INPP4B: variants seen among roughly 807,000 people sequenced by gnomAD.
The protein encoded by INPP4B is inositol polyphosphate 4-phosphatase type II.
In INPP4B, 55 loss-of-function variants were observed where a neutral mutation model predicts 122.5. That is an observed-to-expected ratio of 0.45 (90% CI 0.36 to 0.56). INPP4B has a LOEUF of 0.56. Ranked by LOEUF, INPP4B falls within the 20% of genes least tolerant of loss-of-function variation. The pLI, the probability that INPP4B is intolerant of heterozygous loss-of-function variation, is 0.00. For missense variants in INPP4B, 1,000 were observed against 1,097.7 expected (o/e 0.91, Z 1.26); for synonymous variants, 403 against 388.7 (o/e 1.04, Z -0.43).
chr4:142,671,431 C>T (rs1756981605), intron 2 of INPP4B, among the ~76,000 whole-genome samples: 1 of 152,074 alleles, frequency 6.6e-6, no homozygotes, highest in Non-Finnish European at 1.5e-5. Flanking sequence ...TGTGTATTTT[C>T]CTGCCTCCAA....
intron 15 of INPP4B, among the ~76,000 whole-genome samples, chr4:142,185,221 T>G (rs1184721468): frequency 6.6e-6 from 1 of 152,052 alleles, no homozygotes; most frequent in Non-Finnish European, 1.5e-5. Context: ...CATTGAACAG[T>G]GGGGTGGATG....
chr4:142,799,875 A>G (rs1422514767), intron 1 of INPP4B, among the ~76,000 whole-genome samples: 1 of 151,994 alleles, frequency 6.6e-6, no homozygotes, highest in Non-Finnish European at 1.5e-5. Flanking sequence ...TTCTGCAATA[A>G]GTATTTTTTG....
chr4:142,396,467 G>A (rs1032263907), intron 7 of INPP4B, among the ~76,000 whole-genome samples: 2 of 152,082 alleles, frequency 1.3e-5, no homozygotes, highest in African/African-American at 2.4e-5. Context: ...GCAATATCAT[G>A]TGTTGGAGGA....
chr4:142,616,409 G>A (rs536364449), intron 2 of INPP4B, among the ~76,000 whole-genome samples: 13 of 152,252 alleles, frequency 8.5e-5, no homozygotes, highest in East Asian at 3.9e-4. Flanking sequence ...AGACAAGGTC[G>A]GAGAAAGCCA....
At position 142,032,843 on chromosome 4, in the gene INPP4B, G is replaced by A. The variant is rs1350013864; in HGVS notation, c.2643-3929C>T. ...AGTTCTTAGAGAATGCCTATAGCAA[G>A]CATTCAATAACTTATGCCATTTGTA... is the stretch of plus-strand genomic sequence containing the variant. On this transcript the variant is annotated intron_variant, in intron 25 of 25. Transcript: ENST00000262992. Among the ~76,000 whole-genome samples the A allele has an allele frequency of 9.9e-5, 15 of 152,176 alleles. No individual in the cohort carries two copies. The East Asian group carries it at 2.9e-3, about 29-fold the overall frequency.
intron 15 of INPP4B, among the ~76,000 whole-genome samples, chr4:142,189,619 T>A (rs1834837552): frequency 6.6e-6 from 1 of 151,968 alleles, no homozygotes; most frequent in Non-Finnish European, 1.5e-5. Context: ...TTGAATAGGA[T>A]TATGTAAATG....
chr4:142,305,438 C>G lies in INPP4B; in HGVS notation c.503+20G>C. 6.4e-7 allele frequency: 1 copy of G among 1,573,348 alleles called. No individual in the cohort carries two copies. Among genetic ancestry groups the G allele is most frequent in the Non-Finnish European group, 8.7e-7 (1 of 1,148,792 alleles). ...CTTGTTATTAACTTTAACAGTATTT[C>G]TACAAACAAAGAGACCCACCTCAGG... is the stretch of plus-strand genomic sequence containing the variant. On this transcript the variant is annotated intron_variant, in intron 9 of 25. Coordinates refer to ENST00000262992, the MANE Select transcript of INPP4B (RefSeq NM_001101669.3).
chr4:142,240,833 G>T (rs770050044), intron 11 of INPP4B, among the ~76,000 whole-genome samples: 5 of 152,100 alleles, frequency 3.3e-5, no homozygotes, highest in African/African-American at 4.8e-5. Context: ...ATACCATGCA[G>T]ATTTGTTGCA....
chr4:142,402,041 G>T (rs1327542632), intron 7 of INPP4B, among the ~76,000 whole-genome samples: 5 of 152,192 alleles, frequency 3.3e-5, no homozygotes, highest in African/African-American at 4.8e-5. Context: ...TGAGGGCAGA[G>T]TTCAAAGTGA....
Position 142,266,499 on chromosome 4 carries a change from G to A in INPP4B, c.615+4164C>T, listed in dbSNP as rs568966957. ...TTTTGTAAAGTTAATAATTTGTTAC[G>A]TGTTGGATAAATACCATCTTCCATG... is the stretch of plus-strand genomic sequence containing the variant. On this transcript the variant is annotated intron_variant, in intron 10 of 25. Coordinates refer to ENST00000262992, the MANE Select transcript of INPP4B (RefSeq NM_001101669.3). Among the ~76,000 whole-genome samples the A allele has an allele frequency of 4.6e-5, 7 of 152,260 alleles. No individual in the cohort carries two copies. In the South Asian group the frequency reaches 1.2e-3, roughly 27 times the overall value.
intron 1 of INPP4B, among the ~76,000 whole-genome samples, chr4:142,829,204 T>C (rs781577486): frequency 6.6e-6 from 1 of 152,090 alleles, no homozygotes; most frequent in Non-Finnish European, 1.5e-5. Context: ...GAATATTTTA[T>C]GTTGACTTGG....
intron 14 of INPP4B, among the ~76,000 whole-genome samples, chr4:142,203,462 G>C (rs1291802037): frequency 6.6e-6 from 1 of 151,952 alleles, no homozygotes; most frequent in Admixed American, 6.6e-5. Context: ...CACAACTGAT[G>C]TGCTGTGAAA....
chr4:142,646,920 A>G (rs890507394), intron 2 of INPP4B, among the ~76,000 whole-genome samples: 56 of 152,318 alleles, frequency 3.7e-4, no homozygotes, highest in African/African-American at 1.3e-3. Context: ...TTTACACAAA[A>G]AGGAATGAAA....
chr4:142,033,281 T>G (rs1447378254), intron 25 of INPP4B, among the ~76,000 whole-genome samples: 1 of 152,182 alleles, frequency 6.6e-6, no homozygotes, highest in Non-Finnish European at 1.5e-5. Flanking sequence ...CCAGCCACTG[T>G]GCTGCCTTTA....
chr4:142,735,659 C>T (rs1766752007), intron 1 of INPP4B, among the ~76,000 whole-genome samples: 1 of 152,154 alleles, frequency 6.6e-6, no homozygotes, highest in Non-Finnish European at 1.5e-5. Flanking sequence ...GCTAATGTGC[C>T]TCAGTTCTTT....
intron 1 of INPP4B, among the ~76,000 whole-genome samples, chr4:142,729,535 C>G (rs563097442): frequency 1.3e-5 from 2 of 152,130 alleles, no homozygotes; most frequent in South Asian, 2.1e-4. Flanking sequence ...GGTGAGGAAA[C>G]AAGAGGTAAA....
intron 16 of INPP4B, among the ~76,000 whole-genome samples, chr4:142,160,922 A>G (rs1819792287): frequency 6.6e-6 from 1 of 151,994 alleles, no homozygotes; most frequent in Non-Finnish European, 1.5e-5. Context: ...AGTCATTCCA[A>G]ACACTCCTGA....
At chr4:142,686,724 T>C (rs1759401129) in intron 2 of INPP4B, among the ~76,000 whole-genome samples, 1 of 152,136 alleles carries the variant, frequency 6.6e-6, no homozygotes, top group South Asian at 2.1e-4. Flanking sequence ...CACAGTTTTA[T>C]CAGTTATAAT....
At chr4:142,647,089 G>C (rs1469247774) in intron 2 of INPP4B, among the ~76,000 whole-genome samples, 1 of 152,078 alleles carries the variant, frequency 6.6e-6, no homozygotes, top group Non-Finnish European at 1.5e-5. Context: ...TCCATAAAGA[G>C]AAGTTAATAG....
Sources: allele counts gnomAD v4.1 joint callset (sites outside exome capture counted in the v4.1 genomes callset), GRCh38; gene constraint gnomAD v4.1.1; transcripts MANE v1.5; gene names NCBI Gene and HGNC (gene_info 2026-07-23, HGNC 2026-07-21).